Variants in HS2ST1 observed in about 807,000 individuals in gnomAD.
The protein encoded by HS2ST1 is 2-O-sulfotransferase.
Under a neutral mutation model 42.9 loss-of-function variants are expected in HS2ST1, and 18 were observed. The observed-to-expected ratio is 0.42, with a 90% CI of 0.29 to 0.62. The LOEUF is 0.62. HS2ST1 is among the 20% of genes least tolerant of loss of function. HS2ST1 has a pLI of 0.21. For synonymous variants in HS2ST1, 146 were observed against 152.9 expected (o/e 0.95, Z 0.33); for missense variants, 334 against 433.8 (o/e 0.77, Z 2.04).
intron 1 of HS2ST1, among the ~76,000 whole-genome samples, chr1:87,016,176 G>A (rs1281244987): frequency 1.3e-5 from 2 of 152,104 alleles, no homozygotes; most frequent in Admixed American, 1.3e-4. Flanking sequence ...TGCTTGTTTG[G>A]TTTTGGTTAT....
chr1:87,070,004 TATTTG>T (rs1651362068), intron 1 of HS2ST1, among the ~76,000 whole-genome samples: 2 of 152,330 alleles, frequency 1.3e-5, no homozygotes, highest in South Asian at 4.1e-4. Context: ...TTTTTCCAAG[TATTTG>T]ATTTGAAGAA....
intron 1 of HS2ST1, among the ~76,000 whole-genome samples, chr1:86,989,848 G>A (rs913195566): frequency 6.6e-6 from 1 of 152,064 alleles, no homozygotes; most frequent in African/African-American, 2.4e-5. Context: ...GTGTTAGTTT[G>A]CTGAGAATGA....
chr1:87,028,256 T>C (rs1650138581), intron 1 of HS2ST1, among the ~76,000 whole-genome samples: 1 of 152,230 alleles, frequency 6.6e-6, no homozygotes. Context: ...ATTTCTAAAC[T>C]GTGTGCCAAG....
intron 1 of HS2ST1, among the ~76,000 whole-genome samples, chr1:87,023,723 T>C (rs1650009763): frequency 6.6e-6 from 1 of 152,154 alleles, no homozygotes; most frequent in South Asian, 2.1e-4. Context: ...GAATGTGTCT[T>C]AACATTCATG....
chr1:87,022,926 T>C (rs942926119), intron 1 of HS2ST1, among the ~76,000 whole-genome samples: 2 of 152,194 alleles, frequency 1.3e-5, no homozygotes, highest in Non-Finnish European at 2.9e-5. Context: ...GTGACACATG[T>C]GAGCTCATAC....
At chr1:87,051,733 GT>G (rs1212305952) in intron 1 of HS2ST1, among the ~76,000 whole-genome samples, 2 of 152,184 alleles carry the variant, frequency 1.3e-5, no homozygotes, top group Non-Finnish European at 2.9e-5. Flanking sequence ...TTGTGGGCAT[GT>G]TGAAGTGTCA....
chr1:86,946,554 C>T (rs1356395800), intron 1 of HS2ST1, among the ~76,000 whole-genome samples: 1 of 152,156 alleles, frequency 6.6e-6, no homozygotes, highest in Non-Finnish European at 1.5e-5. Context: ...TAGATGGTCG[C>T]ATAACAGAAT....
chr1:86,992,551 G>A (rs750066316), intron 1 of HS2ST1, among the ~76,000 whole-genome samples: 11 of 151,972 alleles, frequency 7.2e-5, no homozygotes, highest in East Asian at 1.9e-4. Flanking sequence ...TTTTAGAGAC[G>A]GGGTTTCTCC....
rs190594172 is a variant in HS2ST1, at chr1:87,083,351, G to A, written c.364-843G>A. ...GGTTTCGGTGCGGTACAGGTTGGTG[G>A]ACCTCACTGCCCCCACTTTCTGCAC... On this transcript the variant is annotated intron_variant, in intron 2 of 6. Transcript: ENST00000370550. Among the ~76,000 whole-genome samples the A allele has an allele frequency of 1.6e-3, 241 of 152,234 alleles. 1 individual carries two copies. The highest frequency in any genetic ancestry group is 5.4e-3 in the African/African-American group (223 of 41,538).
At chr1:86,958,614 C>G (rs1215986673) in intron 1 of HS2ST1, 1 of 152,104 alleles carries the variant, frequency 6.6e-6, no homozygotes, top group African/African-American at 2.4e-5. Flanking sequence ...ACTTTAAAAG[C>G]TAAATGTTTT....
At chr1:87,062,271 C>T (rs1275887904) in intron 1 of HS2ST1, among the ~76,000 whole-genome samples, 1 of 151,606 alleles carries the variant, frequency 6.6e-6, no homozygotes, top group Non-Finnish European at 1.5e-5. Flanking sequence ...CTTCTGTTTT[C>T]TCTTTCTGCA....
intron 1 of HS2ST1, among the ~76,000 whole-genome samples, chr1:87,010,045 C>T (rs1488696042): frequency 3.0e-5 from 1 of 33,584 alleles, no homozygotes; most frequent in Non-Finnish European, 1.1e-4. Flanking sequence ...AAAAACAAAA[C>T]AAAACAAAAC....
At chr1:87,073,383 G>A (rs186153010) in intron 2 of HS2ST1, among the ~76,000 whole-genome samples, 2 of 152,292 alleles carry the variant, frequency 1.3e-5, no homozygotes, top group Admixed American at 1.3e-4. Flanking sequence ...TCAAATATTT[G>A]TGAAGTAAAT....
At chr1:86,936,363 C>A (rs912038687) in intron 1 of HS2ST1, among the ~76,000 whole-genome samples, 2 of 152,008 alleles carry the variant, frequency 1.3e-5, no homozygotes, top group Non-Finnish European at 2.9e-5. Context: ...CCAAATTATA[C>A]TTTTTGTGCC....
chr1:87,090,353 G>A (rs72955591), intron 3 of HS2ST1, among the ~76,000 whole-genome samples: 84 of 152,042 alleles, frequency 5.5e-4, no homozygotes, highest in African/African-American at 1.6e-3. Flanking sequence ...CTATGTATTT[G>A]CAACAGTACT....
At chr1:87,103,364 T>A (rs1473516641) in intron 5 of HS2ST1, 68 bp from the exon 6 acceptor site, 1 of 1,379,926 alleles carries the variant, frequency 7.2e-7, no homozygotes, top group Non-Finnish European at 9.9e-7. Context: ...TAATATATGG[T>A]GTCAAAGGCA....
chr1:86,999,972 A>G (rs537061604), intron 1 of HS2ST1, among the ~76,000 whole-genome samples: 2 of 152,338 alleles, frequency 1.3e-5, no homozygotes, highest in Admixed American at 1.3e-4. Context: ...ATGCCAAAAA[A>G]AGGGAGAAAA....
intron 2 of HS2ST1, among the ~76,000 whole-genome samples, chr1:87,075,515 T>C (rs1268834585): frequency 1.3e-5 from 2 of 152,182 alleles, no homozygotes; most frequent in East Asian, 3.9e-4. Context: ...CTCTAAGAAA[T>C]AGTTTCTAAT....
chr1:87,097,414 A>C (rs1183258214), intron 4 of HS2ST1, among the ~76,000 whole-genome samples: 1 of 151,880 alleles, frequency 6.6e-6, no homozygotes, highest in Non-Finnish European at 1.5e-5. Context: ...GTTTTTTTTG[A>C]GACGGAGTCT....
Sources: gnomAD v4.1 joint callset for allele counts (sites outside exome capture counted in the v4.1 genomes callset) on GRCh38, gnomAD v4.1.1 for gene constraint, MANE v1.5 for transcripts, NCBI Gene and HGNC (gene_info 2026-07-23, HGNC 2026-07-21) for gene names.